RAB3C: variants seen among roughly 807,000 people sequenced by gnomAD.
The protein encoded by RAB3C is ras-related protein Rab-3C.
In RAB3C, 17 loss-of-function variants were observed where a neutral mutation model predicts 26.4. That is an observed-to-expected ratio of 0.64 (90% CI 0.44 to 0.97). The LOEUF is 0.97. Ranked by LOEUF, RAB3C falls within the 50% of genes least tolerant of loss-of-function variation. The pLI, the probability that RAB3C is intolerant of heterozygous loss-of-function variation, is 0.00. For synonymous variants in RAB3C, 91 were observed against 95.9 expected (o/e 0.95, Z 0.30); for missense variants, 242 against 281.9 (o/e 0.86, Z 1.01).
intron 2 of RAB3C, among the ~76,000 whole-genome samples, chr5:58,704,256 A>T (rs563869251): frequency 6.6e-6 from 1 of 152,298 alleles, no homozygotes; most frequent in East Asian, 1.9e-4. Context: ...GAAGAGAAAC[A>T]TTCCTGGCTT....
chr5:58,819,883 A>T (rs1379199868), intron 3 of RAB3C, among the ~76,000 whole-genome samples: 1 of 152,154 alleles, frequency 6.6e-6, no homozygotes, highest in Non-Finnish European at 1.5e-5. Flanking sequence ...AAACTGTGAC[A>T]TTGAGATATG....
chr5:58,612,130 T>C (rs1159682165), intron 1 of RAB3C, among the ~76,000 whole-genome samples: 1 of 152,122 alleles, frequency 6.6e-6, no homozygotes, highest in African/African-American at 2.4e-5. Flanking sequence ...TTTTGGTTAT[T>C]ATAGCCCTGT....
At chr5:58,618,395 A>G in intron 2 of RAB3C, among the ~76,000 whole-genome samples, 1 of 152,216 alleles carries the variant, frequency 6.6e-6, no homozygotes, top group South Asian at 2.1e-4. Context: ...TATACTGTGC[A>G]AACTGTTTTC....
chr5:58,710,930 A>C (rs2111895945), intron 2 of RAB3C, among the ~76,000 whole-genome samples: 1 of 152,292 alleles, frequency 6.6e-6, no homozygotes, highest in South Asian at 2.1e-4. Context: ...TGTCACTCAA[A>C]GTAATGTGAG....
intron 3 of RAB3C, among the ~76,000 whole-genome samples, chr5:58,739,613 G>A (rs1319713487): frequency 6.6e-6 from 1 of 152,164 alleles, no homozygotes. Context: ...GATAGGTCAT[G>A]GTATATGATG....
At chr5:58,643,669 C>G (rs565627139) in intron 2 of RAB3C, among the ~76,000 whole-genome samples, 3 of 152,196 alleles carry the variant, frequency 2.0e-5, no homozygotes, top group African/African-American at 7.2e-5. Context: ...GAGTGAGAAA[C>G]TCTGTCTCAA....
intron 3 of RAB3C, 112 bp from the exon 4 acceptor site, chr5:58,824,926 G>GTTTTT: frequency 1.6e-6 from 1 of 606,974 alleles, no homozygotes; most frequent in Non-Finnish European, 2.7e-6. Context: ...TGGACATCGT[G>GTTTTT]TTTTTTTTTT....
At chr5:58,595,420 A>G (rs967815643) in intron 1 of RAB3C, among the ~76,000 whole-genome samples, 12 of 152,104 alleles carry the variant, frequency 7.9e-5, no homozygotes, top group African/African-American at 2.9e-4. Context: ...TGTCTGGTGA[A>G]GACAGCAGCT....
At chr5:58,583,070 G>T (rs1745935751), upstream of RAB3C, 2 of 1,520,830 alleles carry the variant, frequency 1.3e-6, no homozygotes, top group Middle Eastern at 2.3e-4. Flanking sequence ...GGAGAGGACA[G>T]CTCCAGTGCT....
intron 3 of RAB3C, among the ~76,000 whole-genome samples, chr5:58,817,403 A>T (rs1743240475): frequency 6.6e-6 from 1 of 152,186 alleles, no homozygotes; most frequent in South Asian, 2.1e-4. Flanking sequence ...TTATTTATAA[A>T]TGAATTAATA....
intron 2 of RAB3C, among the ~76,000 whole-genome samples, chr5:58,715,524 T>C (rs1749152561): frequency 6.6e-6 from 1 of 152,092 alleles, no homozygotes; most frequent in African/African-American, 2.4e-5. Context: ...GTTTTGATGT[T>C]GTGATTAAAG....
At chr5:58,582,855 G>C (rs560265710), upstream of RAB3C, among the ~76,000 whole-genome samples, 58 of 152,344 alleles carry the variant, frequency 3.8e-4, no homozygotes, top group African/African-American at 1.3e-3. Flanking sequence ...AGGGGAGACT[G>C]GGAGAGGTAA....
At chr5:58,606,451 C>T (rs977144906) in intron 1 of RAB3C, among the ~76,000 whole-genome samples, 1 of 152,214 alleles carries the variant, frequency 6.6e-6, no homozygotes, top group African/African-American at 2.4e-5. Context: ...ATAGACTCCC[C>T]CTCTGTGGGC....
At chr5:58,589,411 G>A (rs1746081272) in intron 1 of RAB3C, among the ~76,000 whole-genome samples, 1 of 152,086 alleles carries the variant, frequency 6.6e-6, no homozygotes, top group Admixed American at 6.6e-5. Flanking sequence ...TTGGAATTAT[G>A]CTTATAAAAC....
rs1395550270 is a variant in RAB3C, at chr5:58,779,341, T to C, written c.372-45697T>C. Among the ~76,000 whole-genome samples, 8 of 148,466 alleles carry C rather than the reference T, an allele frequency of 5.4e-5. No homozygotes were observed. The Admixed American group carries it at 5.4e-4, about 10-fold the overall frequency. ...TGGAAATATATACATATATAATTTA[T>C]ATATATATAAAATATGATTTATATA... On this transcript the variant is annotated intron_variant, in intron 3 of 4. Coordinates refer to ENST00000282878, the MANE Select transcript of RAB3C (RefSeq NM_138453.4).
intron 1 of RAB3C, among the ~76,000 whole-genome samples, chr5:58,589,769 G>A (rs916108763): frequency 6.6e-6 from 1 of 152,136 alleles, no homozygotes; most frequent in African/African-American, 2.4e-5. Flanking sequence ...CAAATAGGGA[G>A]ATTAACCTGC....
chr5:58,640,863 C>T (rs986438964), intron 2 of RAB3C, among the ~76,000 whole-genome samples: 11 of 152,130 alleles, frequency 7.2e-5, no homozygotes, highest in Admixed American at 3.9e-4. Flanking sequence ...ACTAACTTTC[C>T]GATCATCTGA....
At chr5:58,811,484 G>A (rs1209152076) in intron 3 of RAB3C, among the ~76,000 whole-genome samples, 7 of 122,840 alleles carry the variant, frequency 5.7e-5, no homozygotes, top group South Asian at 5.7e-4. Context: ...GGTAAATGTC[G>A]TGTTGAAAGG....
At chr5:58,638,012 T>C (rs1478196715) in intron 2 of RAB3C, among the ~76,000 whole-genome samples, 3 of 152,100 alleles carry the variant, frequency 2.0e-5, no homozygotes, top group Admixed American at 6.5e-5. Context: ...TTTTCCTGAT[T>C]ATTTTTGTCA....
Sources: gnomAD v4.1 joint callset for allele counts (sites outside exome capture counted in the v4.1 genomes callset) on GRCh38, gnomAD v4.1.1 for gene constraint, MANE v1.5 for transcripts, NCBI Gene and HGNC (gene_info 2026-07-23, HGNC 2026-07-21) for gene names.